FMNL2: variants seen among roughly 807,000 people sequenced by gnomAD.
FMNL2 encodes formin like 2.
A neutral mutation model predicts 130.2 loss-of-function variants in FMNL2; 51 were observed. The observed-to-expected ratio is 0.39, with a 90% confidence interval of 0.31 to 0.49. FMNL2 has a LOEUF of 0.49. Ranked by LOEUF, FMNL2 falls within the 20% of genes least tolerant of loss-of-function variation. The pLI is 0.85. For synonymous variants in FMNL2, 465 were observed against 467.1 expected, an observed-to-expected ratio of 1.00 and a Z score of 0.06; for missense variants, 977 against 1,316.2, an observed-to-expected ratio of 0.74 and a Z score of 3.99.
At chr2:152,493,475 T>C (rs968784840) in intron 1 of FMNL2, among the ~76,000 whole-genome samples, 2 of 152,172 alleles carry the variant, frequency 1.3e-5, no homozygotes, top group African/African-American at 2.4e-5. Flanking sequence ...CCTCTAAACC[T>C]CATGTTGAAA....
intron 1 of FMNL2, among the ~76,000 whole-genome samples, chr2:152,519,010 C>T (rs1481756410): frequency 6.6e-6 from 1 of 152,092 alleles, no homozygotes; most frequent in Non-Finnish European, 1.5e-5. Context: ...TTTTCTCATT[C>T]CTTCTCTTTT....
chr2:152,594,952 C>T (rs1255895980), intron 9 of FMNL2, among the ~76,000 whole-genome samples: 1 of 152,192 alleles, frequency 6.6e-6, no homozygotes, highest in Non-Finnish European at 1.5e-5. Context: ...CTTCATCTTG[C>T]AGTTGAGCTC....
At chr2:152,421,368 T>C (rs958701319) in intron 1 of FMNL2, among the ~76,000 whole-genome samples, 2 of 152,206 alleles carry the variant, frequency 1.3e-5, no homozygotes, top group Non-Finnish European at 2.9e-5. Flanking sequence ...CTAAGCACCA[T>C]TGCCATATCA....
At chr2:152,414,091 TCTAC>T (rs1184916370) in intron 1 of FMNL2, among the ~76,000 whole-genome samples, 1 of 152,214 alleles carries the variant, frequency 6.6e-6, no homozygotes, top group Admixed American at 6.5e-5. Flanking sequence ...TTCTATTTGA[TCTAC>T]CTGTTTTATG....
At chr2:152,466,318 A>C (rs1689533612) in intron 1 of FMNL2, among the ~76,000 whole-genome samples, 1 of 152,156 alleles carries the variant, frequency 6.6e-6, no homozygotes, top group Non-Finnish European at 1.5e-5. Context: ...GCGTTTTGTA[A>C]ACCACCTTAT....
intron 1 of FMNL2, among the ~76,000 whole-genome samples, chr2:152,477,011 AAAGCAGGATTAT>A (rs1690189823): frequency 6.6e-6 from 1 of 152,156 alleles, no homozygotes; most frequent in East Asian, 1.9e-4. Context: ...CTCAAGCTTC[AAAGCAGGATTAT>A]AAGCACTTGG....
intron 1 of FMNL2, among the ~76,000 whole-genome samples, chr2:152,396,783 A>G (rs1685418996): frequency 6.6e-6 from 1 of 152,206 alleles, no homozygotes; most frequent in Non-Finnish European, 1.5e-5. Context: ...ATTCATGCTC[A>G]TGTGACTTTC....
chr2:152,397,489 A>G (rs1236226784), intron 1 of FMNL2, among the ~76,000 whole-genome samples: 1 of 152,238 alleles, frequency 6.6e-6, no homozygotes, highest in Non-Finnish European at 1.5e-5. Context: ...TAAATTTTCC[A>G]GTATGTTTTA....
chr2:152,418,559 C>T (rs371487501), intron 1 of FMNL2, among the ~76,000 whole-genome samples: 65 of 152,246 alleles, frequency 4.3e-4, no homozygotes, highest in African/African-American at 1.4e-3. Context: ...GAAGTTGTGT[C>T]CTTTTGTGTC....
chr2:152,502,855 G>A (rs1404676509), intron 1 of FMNL2, among the ~76,000 whole-genome samples: 2 of 152,204 alleles, frequency 1.3e-5, no homozygotes, highest in African/African-American at 4.8e-5. Context: ...CATACAAGGG[G>A]TGAGGCTATA....
intron 1 of FMNL2, among the ~76,000 whole-genome samples, chr2:152,440,062 C>T (rs1280209798): frequency 6.6e-6 from 1 of 151,746 alleles, no homozygotes. Flanking sequence ...ACGTGAAACC[C>T]CTTTGGATCA....
chr2:152,459,246 T>C (rs949071489), intron 1 of FMNL2, among the ~76,000 whole-genome samples: 2 of 152,202 alleles, frequency 1.3e-5, no homozygotes, highest in African/African-American at 4.8e-5. Context: ...CTAGTTCTTC[T>C]TGATGACTGG....
intron 9 of FMNL2, among the ~76,000 whole-genome samples, chr2:152,584,007 A>G (rs1465822265): frequency 6.6e-6 from 1 of 152,218 alleles, no homozygotes; most frequent in Non-Finnish European, 1.5e-5. Flanking sequence ...CGATTTATCC[A>G]ATCTTGAGGT....
intron 2 of FMNL2, among the ~76,000 whole-genome samples, chr2:152,535,328 C>T (rs1327491350): frequency 6.6e-6 from 1 of 152,218 alleles, no homozygotes; most frequent in Non-Finnish European, 1.5e-5. Flanking sequence ...CCCAGGATAT[C>T]TGTGCACTGC....
intron 1 of FMNL2, among the ~76,000 whole-genome samples, chr2:152,469,750 A>AT (rs925327510): frequency 5.9e-5 from 9 of 152,128 alleles, no homozygotes; most frequent in Non-Finnish European, 1.2e-4. Context: ...TCTGGTTATA[A>AT]TTTTTTTAAA....
intron 1 of FMNL2, among the ~76,000 whole-genome samples, chr2:152,413,077 A>G (rs114983116): frequency 0.11 from 16,905 of 152,018 alleles, 1,685 homozygotes; most frequent in African/African-American, 0.27. Context: ...CTCATCTTAA[A>G]AAGTTAACAG....
chr2:152,612,275 C>A (rs1246506607), intron 11 of FMNL2, among the ~76,000 whole-genome samples: 1 of 152,202 alleles, frequency 6.6e-6, no homozygotes, highest in East Asian at 1.9e-4. Flanking sequence ...AATTCCAGCA[C>A]TTTGGGAGGC....
intron 1 of FMNL2, among the ~76,000 whole-genome samples, chr2:152,383,494 G>A (rs1408114233): frequency 6.6e-6 from 1 of 151,868 alleles, no homozygotes; most frequent in Non-Finnish European, 1.5e-5. Flanking sequence ...TAGCTACTAG[G>A]GAGGCTGAGA....
intron 1 of FMNL2, among the ~76,000 whole-genome samples, chr2:152,400,383 C>T (rs760068805): frequency 2.0e-4 from 31 of 152,226 alleles, no homozygotes; most frequent in Non-Finnish European, 4.4e-5. Context: ...TTGCAGTGAG[C>T]TGAGATCGCG....
Sources: allele counts gnomAD v4.1 joint callset (sites outside exome capture counted in the v4.1 genomes callset), GRCh38; gene constraint gnomAD v4.1.1; transcripts MANE v1.5; gene names NCBI Gene and HGNC (gene_info 2026-07-23, HGNC 2026-07-21).